Variants in SPEF1 observed in about 807,000 individuals in gnomAD.
SPEF1 encodes the protein sperm flagella and cilia-associated protein 1.
Under a neutral mutation model 31.8 loss-of-function variants are expected in SPEF1, and 30 were observed. The observed-to-expected ratio is 0.94, with a 90% confidence interval of 0.70 to 1.28. The LOEUF is 1.28. Among genes scored for constraint, SPEF1 ranks in the 50% most tolerant of loss-of-function variants. The probability of loss-of-function intolerance (pLI) is 0.00; values close to 1 mark genes in which losing one functional copy is unlikely to be tolerated. For missense variants in SPEF1, 298 were observed against 309.6 expected (o/e 0.96, Z 0.28); for synonymous variants, 126 against 130.1 (o/e 0.97, Z 0.21).
rs1312453756 is a variant in SPEF1 at position 3,778,223 on chromosome 20, T to G, written c.700A>C (p.Lys234Gln). The G allele has an allele frequency of 5.0e-6, 8 of 1,592,814 alleles. No homozygotes were observed. Among genetic ancestry groups the G allele is most frequent in the Non-Finnish European group, 6.8e-6 (8 of 1,169,912 alleles). ...LSRRLQQAER[K>Q]QR is the part of the protein sequence containing the mutation. Reference sequence around the variant, plus strand: ...GCCCGGGCCGCCGCTCACCGCTGCTTACGCTCCGCCTGCTGGAGCCGCCGG... The same window carrying G: ...GCCCGGGCCGCCGCTCACCGCTGCTGACGCTCCGCCTGCTGGAGCCGCCGG... The change falls in exon 7 of 7, where the codon AAG (lysine) becomes CAG (glutamine). Residue 234 changes from lysine to glutamine, a missense_variant. Physicochemically the swap from Lys to Gln is moderately conservative, Grantham distance 53 (BLOSUM62 1). Transcript: ENST00000379756.
At chr20:3,780,525 T>TA (rs761308672) in intron 1 of SPEF1, among the ~76,000 whole-genome samples, 15 of 151,282 alleles carry the variant, frequency 9.9e-5, no homozygotes, top group Non-Finnish European at 2.2e-4. Context: ...CCCCTACACA[T>TA]AGATACATAG....
chr20:3,779,320 G>C lies in SPEF1; in HGVS notation c.254C>G (p.Pro85Arg). 1 of 1,599,672 alleles carries C rather than the reference G, an allele frequency of 6.3e-7. No homozygotes were observed. The highest frequency in any genetic ancestry group is 8.5e-7 in the Non-Finnish European group (1 of 1,171,270). Residue 85 changes from proline to arginine, a missense_variant, in exon 3 of 7, where the codon CCG (proline) becomes CGG (arginine). Physicochemically the swap from Pro to Arg is moderately radical, Grantham distance 103. Coordinates refer to ENST00000379756, the MANE Select transcript of SPEF1 (RefSeq NM_015417.5). The stretch of plus-strand genomic sequence containing the variant: ...CGCGATCTTGCGCATCACGTCATCC[G>C]GTACTGAAAAGTTCAGCCTCTTCAG... ...KVLKRLNFSVPDDVMRKIAQC... is the reference protein window; with the variant it reads ...KVLKRLNFSVRDDVMRKIAQC...
rs1357930878 is a variant in SPEF1, at chr20:3,781,240, C to T, written c.48G>A (p.Trp16Ter). Residue 16 changes from tryptophan (W) to a stop codon, truncating the protein, a stop_gained, in exon 1 of 7, where the codon TGG becomes TGA. Transcript: ENST00000379756. LOFTEE classifies it high-confidence loss of function. The stretch of plus-strand genomic sequence containing the variant: ...GCCGGGACAGAGGGATGTTGTCTAC[C>T]CACAGGTACAGCTGGTGCAGCGCCT... The part of the protein sequence containing the change: ...DEEALHQLYL[W>*]VDNIPLSRPK... 3 of 1,614,090 alleles carry T rather than the reference C, an allele frequency of 1.9e-6. No homozygotes were observed. The highest frequency in any genetic ancestry group is 2.5e-6 in the Non-Finnish European group (3 of 1,180,040).
Position 3,778,518 on chromosome 20 carries a change from G to A in SPEF1, c.506C>T (p.Pro169Leu). ...LSWDRPPAPR[P>L]PAYNRALQGD... Reference sequence around the variant, plus strand: ...CTGCAACGCCCGGTTATACGCTGGAGGCCGAGGCGCCGGCGGCCGGTCCCA... The same window carrying A: ...CTGCAACGCCCGGTTATACGCTGGAAGCCGAGGCGCCGGCGGCCGGTCCCA... Residue 169 changes from proline to leucine, a missense_variant, in exon 6 of 7, where the codon CCT (proline) becomes CTT (leucine). Transcript: ENST00000379756. 1 of 1,610,532 alleles carries A rather than the reference G, an allele frequency of 6.2e-7. No individual in the cohort carries two copies. The highest frequency in any genetic ancestry group is 8.5e-7 in the Non-Finnish European group (1 of 1,179,058).
chr20:3,781,364 C>A lies in SPEF1; in HGVS notation c.-77G>T. 1 of 1,542,556 alleles carries A rather than the reference C, an allele frequency of 6.5e-7. No individual in the cohort carries two copies. The highest frequency in any genetic ancestry group is 1.2e-5 in the South Asian group (1 of 84,824). On this transcript the variant is annotated 5_prime_UTR_variant, in exon 1 of 7. Coordinates refer to ENST00000379756, the MANE Select transcript of SPEF1 (RefSeq NM_015417.5). The stretch of plus-strand genomic sequence containing the variant: ...TCACGACCCTTCAGGCGCTTCCTTT[C>A]TCGCCACTGCAGAAGCCCATAACTG...
In SPEF1 at chr20:3,777,937, C is replaced by A. The variant is rs907196616; in HGVS notation, c.*275G>T. 3 of 431,946 alleles carry A rather than the reference C, an allele frequency of 6.9e-6. No individual in the cohort carries two copies. Among genetic ancestry groups the A allele is most frequent in the African/African-American group, 2.1e-5 (1 of 47,806 alleles). The allele number at this position is 431,946 out of a possible 1,614,324, so 26.8% of individuals were successfully genotyped here. ...TTGGGGGACAGGCTAGGTCTCTGCA[C>A]GTGGCTTCTGGGCTCTGGAAAGCGG... On this transcript the variant is annotated 3_prime_UTR_variant, in exon 7 of 7. Transcript: ENST00000379756. This position sits in a 1 kb window ranked among gnomAD's most constrained non-coding sequence, Gnocchi z 4.1.
chr20:3,778,260 G>A lies in SPEF1; in HGVS notation c.663C>T (p.Ile221=), dbSNP rs2088757011. The A allele has an allele frequency of 1.9e-6, 3 of 1,610,912 alleles. No homozygotes were observed. Among genetic ancestry groups the A allele is most frequent in the Non-Finnish European group, 8.5e-7 (1 of 1,178,464 alleles). The change falls in exon 7 of 7, where the codon ATC becomes ATT. Residue 221 remains isoleucine, a synonymous_variant. Coordinates refer to ENST00000379756, the MANE Select transcript of SPEF1 (RefSeq NM_015417.5). ...EHLLQLKNVR[I]EDLSRRLQQA... ...GCTGGAGCCGCCGGGAGAGGTCTTC[G>A]ATCCGCACATTCTTGAGCTGGAGCA...
chr20:3,780,058 G>C (rs1368302196), intron 1 of SPEF1, among the ~76,000 whole-genome samples: 1 of 152,006 alleles, frequency 6.6e-6, no homozygotes, highest in Admixed American at 6.6e-5. Context: ...GAATGAGTCA[G>C]CCAGTGCAGG....
intron 5 of SPEF1, 42 bp downstream of exon 5, chr20:3,778,704 G>C (rs1470162971): frequency 1.9e-6 from 3 of 1,602,624 alleles, no homozygotes; most frequent in Non-Finnish European, 2.6e-6. Context: ...TGTGTGCAGA[G>C]ATCACCAGCC....
intron 2 of SPEF1, 35 bp downstream of exon 2, chr20:3,779,629 T>G: frequency 6.9e-6 from 10 of 1,446,512 alleles, no homozygotes; most frequent in Non-Finnish European, 9.7e-6. Context: ...ACCAAGACCA[T>G]AGGAGATGAT....
In SPEF1 at chr20:3,778,020, C is replaced by A. The variant is rs967540652; in HGVS notation, c.*192G>T. ...AGGAGGCGGCTCAGTCCCGGGCCTG[C>A]GCTCCTAGAGTTCCTGTCCCATCTC... On this transcript the variant is annotated 3_prime_UTR_variant, in exon 7 of 7. Coordinates refer to ENST00000379756, the MANE Select transcript of SPEF1 (RefSeq NM_015417.5). 8 of 557,412 alleles carry A rather than the reference C, an allele frequency of 1.4e-5. No homozygotes were observed. The highest frequency in any genetic ancestry group is 2.5e-5 in the Non-Finnish European group (8 of 316,032). The allele number at this position is 557,412 out of a possible 1,614,324, so 34.5% of individuals were successfully genotyped here.
intron 1 of SPEF1, among the ~76,000 whole-genome samples, chr20:3,780,040 C>T (rs2052402473): frequency 1.3e-5 from 2 of 152,060 alleles, no homozygotes; most frequent in South Asian, 2.1e-4. Flanking sequence ...CTCTGGTCCT[C>T]CAGTAGAGAA....
intron 1 of SPEF1, 86 bp downstream of exon 1, chr20:3,781,093 A>G: frequency 1.9e-6 from 3 of 1,566,514 alleles, no homozygotes; most frequent in Non-Finnish European, 2.6e-6. Flanking sequence ...CCACTCCCAC[A>G]AGCACACAAA....
In SPEF1 at chr20:3,777,848, G is replaced by T. The variant is rs1342814660; in HGVS notation, c.*364C>A. 4.4e-5 allele frequency: 9 copies of T among 204,158 alleles called. No homozygotes were observed. The allele number at this position is 204,158 out of a possible 1,614,324, so 12.6% of individuals were successfully genotyped here. ...TTCTGGGGGTGTGGACAGAGCCAAG[G>T]GACCGCCCCCCAAGGCCCAGCGCCG... On this transcript the variant is annotated 3_prime_UTR_variant, in exon 7 of 7. Transcript: ENST00000379756. The surrounding 1 kb of genome is among the most constrained non-coding windows in gnomAD (Gnocchi z 4.1).
chr20:3,779,263 A>G lies in SPEF1; in HGVS notation c.311T>C (p.Leu104Pro), dbSNP rs1461222516. ...CTCCAGGCGCTGCCTCAGCGGGATG[A>G]GCACCAGCTCCACCACGCCTGGGGC... ...QCAPGVVELV[L>P]IPLRQRLEER... The change falls in exon 3 of 7, where the codon CTC becomes CCC. Residue 104 changes from leucine to proline, a missense_variant. Transcript: ENST00000379756. The G allele has an allele frequency of 1.3e-6, 2 of 1,596,446 alleles. No homozygotes were observed. Among genetic ancestry groups the G allele is most frequent in the Non-Finnish European group, 1.7e-6 (2 of 1,170,674 alleles).
At chr20:3,779,816 G>A in intron 1 of SPEF1, 41 bp from the exon 2 acceptor site, 1 of 724,870 alleles carries the variant, frequency 1.4e-6, no homozygotes, top group Non-Finnish European at 2.4e-6. Flanking sequence ...GGGGGCATGG[G>A]TAAGGAAGGA....
Position 3,777,872 on chromosome 20 carries a change from CG to C in SPEF1, c.*339del, listed in dbSNP as rs760268024. Reference sequence around the variant, plus strand: ...GGGACCGCCCCCCAAGGCCCAGCGCCGGGAGATGCAAGGCCGGGCCCAAGGT... The same window carrying C: ...GGGACCGCCCCCCAAGGCCCAGCGCCGGAGATGCAAGGCCGGGCCCAAGGT... On this transcript the variant is annotated 3_prime_UTR_variant, in exon 7 of 7. Coordinates refer to ENST00000379756, the MANE Select transcript of SPEF1 (RefSeq NM_015417.5). This position sits in a 1 kb window ranked among gnomAD's most constrained non-coding sequence, Gnocchi z 4.1. 5.7e-5 allele frequency: 13 copies of C among 227,396 alleles called. No individual in the cohort carries two copies. The highest frequency in any genetic ancestry group is 9.4e-5 in the Non-Finnish European group (11 of 116,746). The allele number at this position is 227,396 out of a possible 1,614,324, so 14.1% of individuals were successfully genotyped here.
In SPEF1 at chr20:3,778,547, G is replaced by A. The variant is rs766085724; in HGVS notation, c.480-3C>T. 3.1e-6 allele frequency: 5 copies of A among 1,605,056 alleles called. No homozygotes were observed. Among genetic ancestry groups the A allele is most frequent in the African/African-American group, 1.3e-5 (1 of 74,868 alleles). The stretch of plus-strand genomic sequence containing the variant: ...GAGGCGCCGGCGGCCGGTCCCAGCT[G>A]GGGTGGGAAGCAGCTTAGCGGAGGC... On this transcript the variant is annotated splice_polypyrimidine_tract_variant and splice_region_variant and intron_variant, in intron 5 of 6. Transcript: ENST00000379756.
chr20:3,779,103 C>A (rs533172298), intron 3 of SPEF1, 93 bp downstream of exon 3: 20 of 1,567,142 alleles, frequency 1.3e-5, no homozygotes, highest in South Asian at 3.5e-5. Context: ...ACCCCTCCCC[C>A]ACACTTATCA....
Sources: gnomAD v4.1 joint callset for allele counts (sites outside exome capture counted in the v4.1 genomes callset) on GRCh38, gnomAD v4.1.1 for gene constraint, Gnocchi (gnomAD v3.1) non-coding constraint, MANE v1.5 for transcripts, NCBI Gene and HGNC (gene_info 2026-07-23, HGNC 2026-07-21) for gene names.